CYFIP2: variants seen among roughly 807,000 people sequenced by gnomAD.
CYFIP2 encodes the protein cytoplasmic FMR1 interacting protein 2.
CYFIP2 carries 29 observed loss-of-function variants against 158.7 expected under a neutral mutation model. The observed-to-expected ratio is 0.18, with a 90% CI of 0.14 to 0.25. CYFIP2 has a LOEUF of 0.25. CYFIP2 is among the 10% of genes least tolerant of loss of function. The pLI, the probability that CYFIP2 is intolerant of heterozygous loss-of-function variation, is 1.00. For synonymous variants in CYFIP2, 585 were observed against 617.6 expected (o/e 0.95, Z 0.78); for missense variants, 852 against 1,639.5 (o/e 0.52, Z 8.29).
intron 6 of CYFIP2, among the ~76,000 whole-genome samples, chr5:157,301,931 A>C (rs1321103703): frequency 1.3e-5 from 2 of 152,182 alleles, no homozygotes; most frequent in Non-Finnish European, 1.5e-5. Context: ...TAGAGAAAAC[A>C]GACTGATTCT....
intron 26 of CYFIP2, among the ~76,000 whole-genome samples, chr5:157,382,042 G>A (rs889034): frequency 0.74 from 112,046 of 152,088 alleles, 41,476 homozygotes; most frequent in East Asian, 0.98. Flanking sequence ...GTTTATCTTT[G>A]CACATAACAA....
chr5:157,278,520 C>A (rs1263030926), intron 1 of CYFIP2, among the ~76,000 whole-genome samples: 4 of 152,178 alleles, frequency 2.6e-5, no homozygotes, highest in Non-Finnish European at 5.9e-5. Flanking sequence ...ACTAGCTGAC[C>A]ATGTGACCTT....
intron 3 of CYFIP2, among the ~76,000 whole-genome samples, chr5:157,293,116 C>T (rs988296266): frequency 2.0e-5 from 3 of 152,022 alleles, no homozygotes; most frequent in South Asian, 2.1e-4. Flanking sequence ...AATGCAATGG[C>T]GCAATCTAAG....
chr5:157,382,025 C>A (rs1011572484), intron 26 of CYFIP2, among the ~76,000 whole-genome samples: 1 of 152,208 alleles, frequency 6.6e-6, no homozygotes, highest in African/African-American at 2.4e-5. Flanking sequence ...TGTATGTTTG[C>A]TTTTAAGTTT....
chr5:157,271,831 T>C (rs937108094), intron 1 of CYFIP2, among the ~76,000 whole-genome samples: 2 of 152,182 alleles, frequency 1.3e-5, no homozygotes, highest in African/African-American at 4.8e-5. Context: ...CCTGAAGCCC[T>C]CCTCTTTGTT....
At chr5:157,292,976 G>A (rs1757946719) in intron 3 of CYFIP2, among the ~76,000 whole-genome samples, 1 of 151,986 alleles carries the variant, frequency 6.6e-6, no homozygotes, top group African/African-American at 2.4e-5. Context: ...AGACTAAAGG[G>A]CTAATAAGTG....
chr5:157,308,258 A>C (rs1759414588), intron 9 of CYFIP2, among the ~76,000 whole-genome samples: 1 of 151,968 alleles, frequency 6.6e-6, no homozygotes, highest in Non-Finnish European at 1.5e-5. Flanking sequence ...CAGAGCTCGC[A>C]GAAGTAGAAT....
intron 14 of CYFIP2, 77 bp from the exon 15 acceptor site, chr5:157,320,578 G>A (rs1245979336): frequency 6.3e-7 from 1 of 1,584,538 alleles, no homozygotes; most frequent in African/African-American, 1.4e-5. Context: ...GGACACCACG[G>A]GCCCTAGAAA....
intron 2 of CYFIP2, among the ~76,000 whole-genome samples, chr5:157,285,728 G>C (rs563688080): frequency 6.6e-6 from 1 of 152,166 alleles, no homozygotes; most frequent in Non-Finnish European, 1.5e-5. Context: ...ATACCTTCCA[G>C]GCTATTCTTG....
intron 1 of CYFIP2, chr5:157,277,243 C>G (rs903086588): frequency 1.3e-5 from 2 of 152,288 alleles, no homozygotes; most frequent in Admixed American, 6.5e-5. Context: ...GTTGGCCAGG[C>G]TGGTCTCGAA....
intron 3 of CYFIP2, among the ~76,000 whole-genome samples, chr5:157,290,442 C>T (rs1757726430): frequency 6.6e-6 from 1 of 152,196 alleles, no homozygotes; most frequent in Non-Finnish European, 1.5e-5. Flanking sequence ...TCTTCTGCCT[C>T]CCTCTTTTGC....
intron 22 of CYFIP2, 61 bp downstream of exon 22, chr5:157,339,317 C>T (rs1762081108): frequency 6.8e-7 from 1 of 1,478,972 alleles, no homozygotes; most frequent in South Asian, 1.2e-5. Flanking sequence ...CAGCTGCCTC[C>T]TCCAAACTAG....
intron 29 of CYFIP2, 45 bp from the exon 30 acceptor site, chr5:157,390,476 C>CA: frequency 1.2e-5 from 18 of 1,497,596 alleles, no homozygotes; most frequent in Non-Finnish European, 1.6e-5. Flanking sequence ...CCCTGCCCTC[C>CA]TCCCCCGACC....
Position 157,320,777 on chromosome 5 carries a change from G to T in CYFIP2, c.1646G>T (p.Arg549Leu). 1 of 1,603,738 alleles carries T rather than the reference G, an allele frequency of 6.2e-7. No individual in the cohort carries two copies. The highest frequency in any genetic ancestry group is 1.1e-5 in the South Asian group (1 of 89,264). ...KGGFDIKVPR[R>L]AVGPSSTQLY... ...GGATTTGATATCAAGGTGCCCCGGC[G>T]TGCTGTGGGGCCATCCAGCACACAG... The change falls in exon 15 of 31, where the codon CGT becomes CTT. Residue 549 changes from arginine (R) to leucine (L), a missense_variant. By Grantham distance (102) the Arg-to-Leu change is moderately radical. Coordinates refer to ENST00000620254, the MANE Select transcript of CYFIP2 (RefSeq NM_001037333.3).
chr5:157,310,912 G>C, intron 10 of CYFIP2: 1 of 442,412 alleles, frequency 2.3e-6, no homozygotes. Context: ...ACCAGCACCT[G>C]AGGGTAGAAG....
At chr5:157,357,072 TCATGTA>T (rs1763459426) in intron 23 of CYFIP2, among the ~76,000 whole-genome samples, 2 of 152,192 alleles carry the variant, frequency 1.3e-5, no homozygotes, top group Non-Finnish European at 2.9e-5. Context: ...CTTCTCAGTG[TCATGTA>T]CAAAATTTTG....
At chr5:157,281,713 T>C (rs1757002479) in intron 1 of CYFIP2, among the ~76,000 whole-genome samples, 1 of 152,234 alleles carries the variant, frequency 6.6e-6, no homozygotes, top group Non-Finnish European at 1.5e-5. Flanking sequence ...TAAATTTAAA[T>C]TTTATTTTAT....
chr5:157,320,905 G>A (rs1247169974), intron 15 of CYFIP2, 103 bp downstream of exon 15: 8 of 1,381,664 alleles, frequency 5.8e-6, no homozygotes, highest in Admixed American at 3.1e-5. Flanking sequence ...GGAGCCGTCG[G>A]TCAGGAGGGG....
rs2113037986 is a variant in CYFIP2 at position 157,311,454 on chromosome 5, AC to A, written c.993-208del. ...CAGTTGGATCCTAGATGAGGCTGGC[AC>A]CAAAGAGGAGGAGGAAGGACTGTTC... On this transcript the variant is annotated intron_variant, in intron 10 of 30. Transcript: ENST00000620254. This position sits in a 1 kb window ranked among gnomAD's most constrained non-coding sequence, Gnocchi z 4.7. 1.7e-6 allele frequency: 1 copy of A among 578,722 alleles called. No homozygotes were observed. The highest frequency in any genetic ancestry group is 2.0e-5 in the South Asian group (1 of 49,098). 35.8% of individuals were successfully genotyped at this position (578,722 alleles called of 1,614,324 possible).
Sources: allele counts gnomAD v4.1 joint callset (sites outside exome capture counted in the v4.1 genomes callset), GRCh38; gene constraint gnomAD v4.1.1; non-coding constraint Gnocchi (gnomAD v3.1); transcripts MANE v1.5; gene names NCBI Gene and HGNC (gene_info 2026-07-23, HGNC 2026-07-21).